ALKBH3: variants seen among roughly 807,000 people sequenced by gnomAD.
ALKBH3 encodes the protein alpha-ketoglutarate-dependent dioxygenase alkB homolog 3.
ALKBH3 carries 51 observed loss-of-function variants against 43.9 expected under a neutral mutation model. The observed-to-expected ratio is 1.16, with a 90% CI of 0.93 to 1.47. The LOEUF (loss-of-function observed/expected upper bound fraction) is 1.47. Among genes scored for constraint, ALKBH3 ranks in the 40% most tolerant of loss-of-function variants. The pLI is 0.00. For missense variants in ALKBH3, 361 were observed against 351.9 expected, an observed-to-expected ratio of 1.03 and a Z score of -0.21; for synonymous variants, 102 against 115.2, an observed-to-expected ratio of 0.89 and a Z score of 0.73.
intron 7 of ALKBH3, 32 bp downstream of exon 7, chr11:43,892,161 TA>T: frequency 2.0e-6 from 3 of 1,515,438 alleles, no homozygotes; most frequent in Non-Finnish European, 2.8e-6. Flanking sequence ...GGTATGGTTT[TA>T]TAGACTATAT....
At chr11:43,915,020 A>C (rs1175910832) in intron 8 of ALKBH3, among the ~76,000 whole-genome samples, 1 of 152,022 alleles carries the variant, frequency 6.6e-6, no homozygotes, top group Non-Finnish European at 1.5e-5. Flanking sequence ...AGCCTGGCCA[A>C]CATGGTGAAA....
intron 8 of ALKBH3, among the ~76,000 whole-genome samples, chr11:43,902,966 A>G (rs1204827076): frequency 6.6e-6 from 1 of 152,206 alleles, no homozygotes; most frequent in Admixed American, 6.5e-5. Context: ...TCTTCGTCAG[A>G]TATACTTCCA....
intron 6 of ALKBH3, among the ~76,000 whole-genome samples, chr11:43,890,215 A>C (rs1206519960): frequency 3.9e-5 from 6 of 152,094 alleles, no homozygotes; most frequent in African/African-American, 1.4e-4. Context: ...CCTATTTTGC[A>C]TACATTCTTT....
In ALKBH3 at chr11:43,883,143, GCATCATCTC is replaced by G. The variant is rs748648798; in HGVS notation, c.139_147del (p.His47_Leu49del). On this transcript the variant is annotated inframe_deletion, in exon 3 of 10. Coordinates refer to ENST00000302708, the MANE Select transcript of ALKBH3 (RefSeq NM_139178.4). ...CTGGCCAGACCTGGAAGAACAAAGAGCATCATCTCTCTGACAGAGAGTTTGTGTTCAAAG... is the reference window on the plus strand; with the variant it reads ...CTGGCCAGACCTGGAAGAACAAAGAGTCTGACAGAGAGTTTGTGTTCAAAG... 2 of 1,614,072 alleles carry G rather than the reference GCATCATCTC, an allele frequency of 1.2e-6. No homozygotes were observed. Among genetic ancestry groups the G allele is most frequent in the Non-Finnish European group, 1.7e-6 (2 of 1,180,012 alleles).
At chr11:43,884,864 A>G (rs951768592) in intron 4 of ALKBH3, among the ~76,000 whole-genome samples, 4 of 151,918 alleles carry the variant, frequency 2.6e-5, no homozygotes, top group Non-Finnish European at 4.4e-5. Flanking sequence ...TGATCCTCCC[A>G]CCTCAGCCTC....
At chr11:43,906,799 A>T (rs915445296) in intron 8 of ALKBH3, among the ~76,000 whole-genome samples, 4 of 152,228 alleles carry the variant, frequency 2.6e-5, no homozygotes, top group Non-Finnish European at 4.4e-5. Context: ...AAATTTTAAA[A>T]ATTGGGTTGT....
At chr11:43,883,363 T>C (rs561508993) in intron 3 of ALKBH3, among the ~76,000 whole-genome samples, 175 bp downstream of exon 3, 2 of 152,354 alleles carry the variant, frequency 1.3e-5, no homozygotes, top group South Asian at 4.1e-4. Flanking sequence ...CTGGGGATTC[T>C]TCGTAGTCTG....
At chr11:43,904,243 C>A (rs1951881637) in intron 8 of ALKBH3, among the ~76,000 whole-genome samples, 1 of 152,220 alleles carries the variant, frequency 6.6e-6, no homozygotes, top group Non-Finnish European at 1.5e-5. Flanking sequence ...GATTAAAATA[C>A]TGATCCAATA....
chr11:43,896,812 ATC>A (rs1951822321), intron 7 of ALKBH3, among the ~76,000 whole-genome samples: 1 of 152,210 alleles, frequency 6.6e-6, no homozygotes, highest in Non-Finnish European at 1.5e-5. Context: ...CATTTAGAAG[ATC>A]TGTGTAACTT....
intron 7 of ALKBH3, among the ~76,000 whole-genome samples, chr11:43,900,774 G>A (rs1951857954): frequency 6.6e-6 from 1 of 152,106 alleles, no homozygotes; most frequent in Non-Finnish European, 1.5e-5. Context: ...TACAATCTAA[G>A]GTCAGGGGTC....
At chr11:43,905,703 A>C (rs1468784279) in intron 8 of ALKBH3, among the ~76,000 whole-genome samples, 1 of 152,196 alleles carries the variant, frequency 6.6e-6, no homozygotes, top group African/African-American at 2.4e-5. Context: ...CTTATCAAAT[A>C]TACTTCAGTA....
At chr11:43,914,766 G>A (rs766401286) in intron 8 of ALKBH3, among the ~76,000 whole-genome samples, 3 of 152,068 alleles carry the variant, frequency 2.0e-5, no homozygotes, top group Non-Finnish European at 2.9e-5. Flanking sequence ...TTTGCAAAAA[G>A]TATGACAAAC....
In ALKBH3 at chr11:43,880,843, C is replaced by T. The variant is rs1951705122; in HGVS notation, c.-407C>T. 1 of 152,222 alleles carries T rather than the reference C, an allele frequency of 6.6e-6. No individual in the cohort carries two copies. Among genetic ancestry groups the T allele is most frequent in the Middle Eastern group, 3.2e-3 (1 of 316 alleles). The allele number at this position is 152,222 out of a possible 1,614,324, so 9.4% of individuals were successfully genotyped here. A position where few individuals can be genotyped will look rare whatever the true frequency, so the allele number is the denominator to read the frequency against. Reference sequence around the variant, plus strand: ...GAGTCGGTGCTTCACTCTTAAGGTTCCGATCACAGACTGCGGAGTGGGTCA... The same window carrying T: ...GAGTCGGTGCTTCACTCTTAAGGTTTCGATCACAGACTGCGGAGTGGGTCA... On this transcript the variant is annotated 5_prime_UTR_variant, in exon 1 of 10. Transcript: ENST00000302708.
chr11:43,890,247 ATTC>A (rs1951773765), intron 6 of ALKBH3, among the ~76,000 whole-genome samples: 1 of 151,924 alleles, frequency 6.6e-6, no homozygotes. Flanking sequence ...CTGACTTTGT[ATTC>A]TTCTTTAACT....
chr11:43,901,819 A>G, intron 8 of ALKBH3, 94 bp downstream of exon 8: 6 of 1,401,828 alleles, frequency 4.3e-6, no homozygotes, highest in Non-Finnish European at 4.9e-6. Context: ...GATTTCGAGC[A>G]TGGGAATACA....
Position 43,880,877 on chromosome 11 carries a change from G to GA in ALKBH3, c.-372dup, listed in dbSNP as rs1951705732. 6.6e-6 allele frequency: 1 copy of GA among 152,226 alleles called. No homozygotes were observed. Among genetic ancestry groups the GA allele is most frequent in the Non-Finnish European group, 1.5e-5 (1 of 68,100 alleles). 9.4% of individuals were successfully genotyped at this position (152,226 alleles called of 1,614,324 possible). A position where few individuals can be genotyped will look rare whatever the true frequency, so the allele number is the denominator to read the frequency against. ...GACTGCGGAGTGGGTCAGGGGCTGCGAGGGCTGCCCCAAGTCCTACCGGGT... is the reference window on the plus strand; with the variant it reads ...GACTGCGGAGTGGGTCAGGGGCTGCGAAGGGCTGCCCCAAGTCCTACCGGGT... On this transcript the variant is annotated 5_prime_UTR_variant, in exon 1 of 10. Coordinates refer to ENST00000302708, the MANE Select transcript of ALKBH3 (RefSeq NM_139178.4).
intron 1 of ALKBH3, among the ~76,000 whole-genome samples, chr11:43,881,718 T>C (rs1416110186): frequency 6.6e-6 from 1 of 152,208 alleles, no homozygotes; most frequent in Non-Finnish European, 1.5e-5. Flanking sequence ...AGATGGGACC[T>C]GGGAATCTAT....
chr11:43,901,724 C>T lies in ALKBH3; in HGVS notation c.668C>T (p.Pro223Leu), dbSNP rs375066106. 6.2e-7 allele frequency: 1 copy of T among 1,613,948 alleles called. No homozygotes were observed. The highest frequency in any genetic ancestry group is 8.5e-7 in the Non-Finnish European group (1 of 1,179,926). Residue 223 changes from proline to leucine, a missense_variant and splice_region_variant, in exon 8 of 10, where the codon CCA (proline) becomes CTA (leucine). Pro to Leu is a moderately conservative substitution (Grantham distance 98, BLOSUM62 -3). Transcript: ENST00000302708. ...RTFEMRKKPP[P>L]EENGDYTYVE... is the part of the protein sequence containing the mutation. ...TTTGAGATGAGAAAGAAGCCACCACCAGTGAGTATTCTCTTTTTCTTATGC... is the reference window on the plus strand; with the variant it reads ...TTTGAGATGAGAAAGAAGCCACCACTAGTGAGTATTCTCTTTTTCTTATGC...
chr11:43,884,097 A>G (rs906462421), intron 4 of ALKBH3, 80 bp downstream of exon 4: 14 of 1,547,034 alleles, frequency 9.0e-6, no homozygotes, highest in African/African-American at 8.2e-5. Flanking sequence ...TGTTTTTTCT[A>G]TCTGGAAGAG....
Sources: gnomAD v4.1 joint callset for allele counts (sites outside exome capture counted in the v4.1 genomes callset) on GRCh38, gnomAD v4.1.1 for gene constraint, MANE v1.5 for transcripts, NCBI Gene and HGNC (gene_info 2026-07-23, HGNC 2026-07-21) for gene names.